The following GOLIM4 variants were observed in gnomAD, a reference collection of about 807,000 sequenced individuals.
The protein encoded by GOLIM4 is 130 kDa golgi-localized phosphoprotein.
A neutral mutation model predicts 107.4 loss-of-function variants in GOLIM4; 71 were observed. That is an observed-to-expected ratio of 0.66 (90% CI 0.55 to 0.81). The LOEUF is 0.81. Among genes scored for constraint, GOLIM4 ranks in the 30% least tolerant of loss-of-function variants. The pLI is 0.00. For synonymous variants in GOLIM4, 327 were observed against 294.8 expected (o/e 1.11, Z -1.12); for missense variants, 830 against 826.1 (o/e 1.00, Z -0.06).
intron 7 of GOLIM4, among the ~76,000 whole-genome samples, chr3:168,038,671 T>C (rs1333916242): frequency 6.6e-6 from 1 of 152,226 alleles, no homozygotes. Context: ...AATCAGGTTG[T>C]CAAGGCAGAA....
chr3:168,080,369 T>C (rs1230831724), intron 1 of GOLIM4, among the ~76,000 whole-genome samples: 1 of 151,992 alleles, frequency 6.6e-6, no homozygotes, highest in Non-Finnish European at 1.5e-5. Context: ...AAAATGAGAG[T>C]TGTGTTTAAC....
At chr3:168,082,810 T>G (rs1361496755) in intron 1 of GOLIM4, among the ~76,000 whole-genome samples, 1 of 151,566 alleles carries the variant, frequency 6.6e-6, no homozygotes, top group Non-Finnish European at 1.5e-5. Context: ...CACACAGCAA[T>G]GGGGCAGGAA....
chr3:168,033,018 A>C (rs1388135976), intron 8 of GOLIM4, among the ~76,000 whole-genome samples, 166 bp from the exon 9 acceptor site: 1 of 152,172 alleles, frequency 6.6e-6, no homozygotes, highest in Non-Finnish European at 1.5e-5. Flanking sequence ...TAAGTTTCTT[A>C]CTGTGTAATC....
intron 3 of GOLIM4, among the ~76,000 whole-genome samples, chr3:168,045,601 T>A (rs1199389475): frequency 6.6e-6 from 1 of 152,100 alleles, no homozygotes; most frequent in African/African-American, 2.4e-5. Context: ...CCATAACCAG[T>A]CAGTATGCAA....
intron 1 of GOLIM4, among the ~76,000 whole-genome samples, chr3:168,084,503 A>T (rs967756593): frequency 2.0e-5 from 3 of 152,162 alleles, no homozygotes; most frequent in Non-Finnish European, 4.4e-5. Flanking sequence ...AGATCCTTTA[A>T]TCCCAATCAA....
rs767565342 is a variant in GOLIM4, at chr3:168,044,892, A to AG, written c.313-12_313-11insC. ...GCTATTGGAATCTTGCTGTAAATCA[A>AG]AAAAAAAAAAGAAAACACAAAGATA... is the stretch of plus-strand genomic sequence containing the variant. On this transcript the variant is annotated splice_polypyrimidine_tract_variant and intron_variant, in intron 3 of 15. Coordinates refer to ENST00000470487, the MANE Select transcript of GOLIM4 (RefSeq NM_014498.5). The AG allele has an allele frequency of 2.3e-6, 3 of 1,296,256 alleles. No individual in the cohort carries two copies. Among genetic ancestry groups the AG allele is most frequent in the Admixed American group, 5.1e-5 (2 of 39,198 alleles). The allele number at this position is 1,296,256 out of a possible 1,614,324, so 80.3% of individuals were successfully genotyped here. A position where few individuals can be genotyped will look rare whatever the true frequency, so the allele number is the denominator to read the frequency against.
At chr3:168,041,566 AT>A in intron 5 of GOLIM4, 92 bp from the exon 6 acceptor site, 1 of 637,076 alleles carries the variant, frequency 1.6e-6, no homozygotes, top group Non-Finnish European at 2.8e-6. Flanking sequence ...CCTATAACTT[AT>A]TTTAGAATTT....
At chr3:168,057,426 C>T (rs995029704) in intron 1 of GOLIM4, among the ~76,000 whole-genome samples, 23 of 152,174 alleles carry the variant, frequency 1.5e-4, no homozygotes, top group African/African-American at 5.6e-4. Context: ...GTTTAACTGA[C>T]TCACAGTTCC....
intron 14 of GOLIM4, among the ~76,000 whole-genome samples, chr3:168,011,725 G>T (rs1377619698): frequency 5.8e-5 from 8 of 137,148 alleles, no homozygotes; most frequent in Admixed American, 2.7e-4. Context: ...TCCTCAAGTG[G>T]GTCCCTGACC....
chr3:168,028,031 T>C (rs1008814485), intron 11 of GOLIM4, among the ~76,000 whole-genome samples, 194 bp from the exon 12 acceptor site: 3 of 152,212 alleles, frequency 2.0e-5, no homozygotes, highest in African/African-American at 7.2e-5. Flanking sequence ...TCTAGAGAGA[T>C]GATATGGGTC....
At chr3:168,094,871 G>A (rs1019587249) in intron 1 of GOLIM4, among the ~76,000 whole-genome samples, 3 of 152,188 alleles carry the variant, frequency 2.0e-5, no homozygotes, top group African/African-American at 7.2e-5. Context: ...CGATGGGCTG[G>A]TGCTACGAAG....
Position 168,010,834 on chromosome 3 carries a change from C to T in GOLIM4, c.1861-11G>A. The T allele has an allele frequency of 1.9e-6, 3 of 1,570,768 alleles. No homozygotes were observed. The highest frequency in any genetic ancestry group is 8.8e-7 in the Non-Finnish European group (1 of 1,142,194). On this transcript the variant is annotated splice_polypyrimidine_tract_variant and intron_variant, in intron 14 of 15. Transcript: ENST00000470487. ...CAAATCTTCCTGAACCTAAAACAAACCACAGATATCATTTAAACACTTTTG... is the reference window on the plus strand; with the variant it reads ...CAAATCTTCCTGAACCTAAAACAAATCACAGATATCATTTAAACACTTTTG...
intron 1 of GOLIM4, among the ~76,000 whole-genome samples, chr3:168,065,246 G>A (rs1360315576): frequency 6.6e-6 from 1 of 152,134 alleles, no homozygotes; most frequent in Non-Finnish European, 1.5e-5. Flanking sequence ...AAGAGTAGTG[G>A]CATCAGCTAT....
chr3:168,079,324 A>G (rs1721225198), intron 1 of GOLIM4, among the ~76,000 whole-genome samples: 2 of 152,208 alleles, frequency 1.3e-5, no homozygotes, highest in South Asian at 4.1e-4. Flanking sequence ...CAGACACAAG[A>G]GCATATATTG....
chr3:168,008,707 TTGAC>T lies in GOLIM4; in HGVS notation c.*1558_*1561del, dbSNP rs1320236581. 6.6e-6 allele frequency: 1 copy of T among 152,142 alleles called. No individual in the cohort carries two copies. Among genetic ancestry groups the T allele is most frequent in the Non-Finnish European group, 1.5e-5 (1 of 68,008 alleles). 9.4% of individuals were successfully genotyped at this position (152,142 alleles called of 1,614,324 possible). On this transcript the variant is annotated 3_prime_UTR_variant, in exon 16 of 16. Coordinates refer to ENST00000470487, the MANE Select transcript of GOLIM4 (RefSeq NM_014498.5). ...TTGCCACTTTTTTTTTTTAGCTTTA[TTGAC>T]TATTACCAACTTTCAGTATGGTTCA...
intron 14 of GOLIM4, among the ~76,000 whole-genome samples, chr3:168,018,276 G>A (rs966837277): frequency 6.6e-6 from 1 of 152,144 alleles, no homozygotes; most frequent in African/African-American, 2.4e-5. Flanking sequence ...CTATAATTCA[G>A]AAGAAACAAA....
chr3:168,026,387 C>T (rs550010607), intron 12 of GOLIM4, among the ~76,000 whole-genome samples: 8 of 152,224 alleles, frequency 5.3e-5, no homozygotes, highest in South Asian at 2.1e-4. Flanking sequence ...AGCTCAACTC[C>T]GACCACGTAA....
rs532468175 is a variant in GOLIM4, at chr3:168,058,051, T to A, written c.188-9686A>T. On this transcript the variant is annotated intron_variant, in intron 1 of 15. Coordinates refer to ENST00000470487, the MANE Select transcript of GOLIM4 (RefSeq NM_014498.5). ...TGTAGGCTCACACTATTAGCATTAG[T>A]TAAATAATAGTCCTGAAATACGGAC... Among the ~76,000 whole-genome samples, 3 of 152,156 alleles carry A rather than the reference T, an allele frequency of 2.0e-5. No homozygotes were observed. The South Asian group carries it at 6.2e-4, about 32-fold the overall frequency.
chr3:168,011,186 G>A (rs556492901), intron 14 of GOLIM4, among the ~76,000 whole-genome samples: 16 of 149,174 alleles, frequency 1.1e-4, no homozygotes, highest in East Asian at 9.7e-4. Context: ...GTGGGTGCGC[G>A]CACCATGCGC....
Sources: allele counts gnomAD v4.1 joint callset (sites outside exome capture counted in the v4.1 genomes callset), GRCh38; gene constraint gnomAD v4.1.1; transcripts MANE v1.5; gene names NCBI Gene and HGNC (gene_info 2026-07-23, HGNC 2026-07-21).